The following PLEKHA5 variants were observed in gnomAD, a reference collection of about 807,000 sequenced individuals.
PLEKHA5 encodes pleckstrin homology domain containing A5.
A neutral mutation model predicts 181.9 loss-of-function variants in PLEKHA5; 55 were observed. The ratio of observed to expected loss-of-function variants is 0.30; its 90% confidence interval spans 0.24 to 0.38. PLEKHA5 has a LOEUF of 0.38. Ranked by LOEUF, PLEKHA5 falls within the 10% of genes least tolerant of loss-of-function variation. The pLI is 1.00. For synonymous variants in PLEKHA5, 535 were observed against 529.4 expected (o/e 1.01, Z -0.15); for missense variants, 1,432 against 1,549.5 (o/e 0.92, Z 1.27).
chr12:19,364,723 G>T (rs1020389907), intron 29 of PLEKHA5, among the ~76,000 whole-genome samples: 4 of 151,416 alleles, frequency 2.6e-5, no homozygotes, highest in African/African-American at 7.3e-5. Flanking sequence ...GTGCAGTGGC[G>T]CAATCTTGGC....
chr12:19,216,901 CCTT>C (rs1342304944), intron 3 of PLEKHA5, among the ~76,000 whole-genome samples: 2 of 152,150 alleles, frequency 1.3e-5, no homozygotes, highest in Admixed American at 6.5e-5. Flanking sequence ...TGCTTCTAAT[CCTT>C]CTTTCCTTGA....
At chr12:19,248,618 A>G (rs1476692020) in intron 3 of PLEKHA5, among the ~76,000 whole-genome samples, 1 of 152,194 alleles carries the variant, frequency 6.6e-6, no homozygotes, top group African/African-American at 2.4e-5. Flanking sequence ...GCAATAAGCT[A>G]TACTATATAG....
chr12:19,244,970 TAG>T (rs1367226922), intron 3 of PLEKHA5, among the ~76,000 whole-genome samples: 1 of 152,026 alleles, frequency 6.6e-6, no homozygotes, highest in East Asian at 1.9e-4. Context: ...GCCCATGAAA[TAG>T]AGATTTAAAA....
At chr12:19,178,622 G>T (rs758847789) in intron 3 of PLEKHA5, among the ~76,000 whole-genome samples, 6 of 152,208 alleles carry the variant, frequency 3.9e-5, no homozygotes, top group Non-Finnish European at 8.8e-5. Flanking sequence ...CCTCTTTCTA[G>T]TGAGAGATCC....
intron 10 of PLEKHA5, among the ~76,000 whole-genome samples, chr12:19,271,299 T>C (rs187526136): frequency 6.6e-6 from 1 of 152,134 alleles, no homozygotes; most frequent in African/African-American, 2.4e-5. Flanking sequence ...GAGCCCAGGA[T>C]TTTGAGATCA....
At chr12:19,262,991 G>C (rs926978182) in intron 7 of PLEKHA5, among the ~76,000 whole-genome samples, 1 of 152,092 alleles carries the variant, frequency 6.6e-6, no homozygotes, top group African/African-American at 2.4e-5. Context: ...CCCAGATGGG[G>C]AATATAAAAA....
At chr12:19,358,121 T>C in intron 26 of PLEKHA5, 107 bp from the exon 27 acceptor site, 1 of 758,050 alleles carries the variant, frequency 1.3e-6, no homozygotes, top group Non-Finnish European at 2.1e-6. Flanking sequence ...CCTCTTCTTG[T>C]GATTTTGAAA....
chr12:19,233,451 C>G (rs1432710165), intron 3 of PLEKHA5, among the ~76,000 whole-genome samples: 2 of 152,134 alleles, frequency 1.3e-5, no homozygotes, highest in Non-Finnish European at 2.9e-5. Context: ...GGTAGGAGAT[C>G]TGTTTCTTAA....
intron 3 of PLEKHA5, among the ~76,000 whole-genome samples, chr12:19,180,592 G>A (rs1027646583): frequency 6.6e-6 from 1 of 152,040 alleles, no homozygotes; most frequent in Admixed American, 6.6e-5. Flanking sequence ...ACATCTGCAA[G>A]CATATTTTAG....
At chr12:19,231,622 AAAGCTTGAGT>A (rs1565495161) in intron 3 of PLEKHA5, among the ~76,000 whole-genome samples, 57 of 142,920 alleles carry the variant, frequency 4.0e-4, no homozygotes, top group Non-Finnish European at 6.3e-4. Flanking sequence ...AAATACTCAT[AAAGCTTGAGT>A]TATTTTATAT....
intron 15 of PLEKHA5, among the ~76,000 whole-genome samples, chr12:19,293,666 T>G (rs2079042061): frequency 6.7e-6 from 1 of 148,262 alleles, no homozygotes; most frequent in African/African-American, 2.5e-5. Flanking sequence ...ACCTTGTGGT[T>G]TACTGTAATT....
At chr12:19,295,599 C>T (rs1442481359) in intron 15 of PLEKHA5, among the ~76,000 whole-genome samples, 1 of 152,158 alleles carries the variant, frequency 6.6e-6, no homozygotes, top group Non-Finnish European at 1.5e-5. Flanking sequence ...CAAGCATAAG[C>T]TGCCCTGCTG....
Position 19,260,975 on chromosome 12 carries a change from G to T in PLEKHA5, c.564G>T (p.Lys188Asn). 6.2e-7 allele frequency: 1 copy of T among 1,600,984 alleles called. No individual in the cohort carries two copies. The highest frequency in any genetic ancestry group is 8.5e-7 in the Non-Finnish European group (1 of 1,171,336). Residue 188 changes from lysine to asparagine, a missense_variant, in exon 7 of 32, where the codon AAG (lysine) becomes AAT (asparagine). Lys to Asn is a moderately conservative substitution (Grantham distance 94). Transcript: ENST00000429027. ...KQDSTGMKLW[K>N]KRWFVLSDLC... ...ACAGTACTGGCATGAAATTGTGGAA[G>T]AAACGCTGGTTTGTGCTTTCTGACC...
intron 18 of PLEKHA5, chr12:19,321,451 C>T (rs1372610588): frequency 6.7e-6 from 1 of 148,558 alleles, no homozygotes; most frequent in African/African-American, 2.5e-5. Flanking sequence ...GCAACCTCCA[C>T]CTCCCGGGTT....
At chr12:19,200,435 G>T in intron 3 of PLEKHA5, 2 of 1,485,072 alleles carry the variant, frequency 1.3e-6, no homozygotes, top group Non-Finnish European at 1.8e-6. Context: ...AATACTAGTT[G>T]ACAAAACAGC....
At chr12:19,330,176 A>G (rs1012555169) in intron 20 of PLEKHA5, among the ~76,000 whole-genome samples, 2 of 151,194 alleles carry the variant, frequency 1.3e-5, no homozygotes, top group African/African-American at 4.9e-5. Flanking sequence ...ATTTTTAACA[A>G]TAAAAAGCAA....
At chr12:19,295,074 T>C (rs1208543160) in intron 15 of PLEKHA5, among the ~76,000 whole-genome samples, 2 of 152,206 alleles carry the variant, frequency 1.3e-5, no homozygotes, top group Non-Finnish European at 2.9e-5. Flanking sequence ...GGTTTATTTG[T>C]CATTTTTGTG....
chr12:19,282,022 T>C (rs1222787946), intron 11 of PLEKHA5, among the ~76,000 whole-genome samples: 1 of 152,152 alleles, frequency 6.6e-6, no homozygotes, highest in Non-Finnish European at 1.5e-5. Context: ...GACCTCTTGA[T>C]CCGCCTGCCT....
At chr12:19,140,094 T>A (rs1462362996) in intron 3 of PLEKHA5, among the ~76,000 whole-genome samples, 4 of 152,224 alleles carry the variant, frequency 2.6e-5, no homozygotes, top group African/African-American at 9.6e-5. Context: ...GAACTCATAG[T>A]TGTGTGCCTT....
Sources: gnomAD v4.1 joint callset for allele counts (sites outside exome capture counted in the v4.1 genomes callset) on GRCh38, gnomAD v4.1.1 for gene constraint, MANE v1.5 for transcripts, NCBI Gene and HGNC (gene_info 2026-07-23, HGNC 2026-07-21) for gene names.